The following PDGFC variants were observed in gnomAD, a reference collection of about 807,000 sequenced individuals.
PDGFC encodes platelet-derived growth factor C.
A neutral mutation model predicts 35.5 loss-of-function variants in PDGFC; 12 were observed. The ratio of observed to expected loss-of-function variants is 0.34; its 90% CI spans 0.22 to 0.55. The LOEUF (loss-of-function observed/expected upper bound fraction) is 0.55, where lower values mean the gene tolerates loss of function less well. PDGFC is among the 20% of genes least tolerant of loss of function. The probability of loss-of-function intolerance (pLI) is 0.91; values close to 1 mark genes in which losing one functional copy is unlikely to be tolerated. For missense variants in PDGFC, 322 were observed against 412.4 expected, an observed-to-expected ratio of 0.78 and a Z score of 1.90; for synonymous variants, 159 against 148.8, an observed-to-expected ratio of 1.07 and a Z score of -0.50.
At chr4:156,870,257 T>G (rs1345814147) in intron 1 of PDGFC, among the ~76,000 whole-genome samples, 1 of 152,150 alleles carries the variant, frequency 6.6e-6, no homozygotes, top group African/African-American at 2.4e-5. Flanking sequence ...TTTAACAAGT[T>G]TTTTCTCTTA....
intron 1 of PDGFC, among the ~76,000 whole-genome samples, chr4:156,954,476 G>A (rs1208333998): frequency 1.3e-5 from 2 of 151,894 alleles, no homozygotes; most frequent in Non-Finnish European, 2.9e-5. Context: ...TAACTAGAAA[G>A]AGCAAAAGGG....
chr4:156,873,378 T>C (rs1340444324), intron 1 of PDGFC, among the ~76,000 whole-genome samples: 2 of 152,094 alleles, frequency 1.3e-5, no homozygotes, highest in Non-Finnish European at 2.9e-5. Context: ...AGGTATTTGG[T>C]TCCAGAATGA....
At chr4:156,808,910 C>T (rs965012241) in intron 3 of PDGFC, among the ~76,000 whole-genome samples, 13 of 152,038 alleles carry the variant, frequency 8.6e-5, no homozygotes, top group Non-Finnish European at 1.8e-4. Flanking sequence ...AAAAACAAAG[C>T]TTGTGAGATT....
intron 1 of PDGFC, among the ~76,000 whole-genome samples, chr4:156,919,251 T>TG (rs1158658359): frequency 2.0e-5 from 3 of 152,188 alleles, no homozygotes; most frequent in African/African-American, 2.4e-5. Flanking sequence ...AAAGAAAAAC[T>TG]GACAACGGAA....
intron 1 of PDGFC, among the ~76,000 whole-genome samples, chr4:156,948,492 T>TA (rs999871485): frequency 2.6e-5 from 4 of 151,906 alleles, no homozygotes; most frequent in African/African-American, 9.7e-5. Context: ...CCTAGGCTTC[T>TA]AAAAAAAGTC....
At chr4:156,951,265 T>C (rs1410915601) in intron 1 of PDGFC, among the ~76,000 whole-genome samples, 1 of 151,882 alleles carries the variant, frequency 6.6e-6, no homozygotes, top group Non-Finnish European at 1.5e-5. Flanking sequence ...GTGTTTAAAT[T>C]TATTCAATCA....
intron 1 of PDGFC, among the ~76,000 whole-genome samples, chr4:156,924,686 C>T (rs1731365329): frequency 6.6e-6 from 1 of 152,184 alleles, no homozygotes; most frequent in Admixed American, 6.5e-5. Context: ...TTATCATGAA[C>T]AACCACCATT....
At chr4:156,962,401 A>G (rs1189961888) in intron 1 of PDGFC, among the ~76,000 whole-genome samples, 3 of 151,960 alleles carry the variant, frequency 2.0e-5, no homozygotes, top group African/African-American at 7.3e-5. Flanking sequence ...GACAAAACCA[A>G]CCACTTAGTA....
At chr4:156,854,570 ACTGTCAAAGTTTTATGTAAAT>A (rs1313033212) in intron 1 of PDGFC, among the ~76,000 whole-genome samples, 1 of 152,020 alleles carries the variant, frequency 6.6e-6, no homozygotes, top group East Asian at 1.9e-4. Flanking sequence ...TTTGCAGATG[ACTGTCAAAGTTTTATGTAAAT>A]CTCAAGCAAC....
chr4:156,802,536 G>A (rs1054149012), intron 3 of PDGFC, among the ~76,000 whole-genome samples: 1 of 146,902 alleles, frequency 6.8e-6, no homozygotes, highest in Non-Finnish European at 1.5e-5. Flanking sequence ...AGAAGGTAGA[G>A]TAGAAACATA....
intron 1 of PDGFC, among the ~76,000 whole-genome samples, chr4:156,863,964 C>CT (rs775634471): frequency 5.3e-5 from 8 of 151,936 alleles, no homozygotes; most frequent in Admixed American, 1.3e-4. Context: ...AATAAAATCA[C>CT]TTTTTTTGCC....
chr4:156,775,892 C>T (rs1216443791), intron 3 of PDGFC, among the ~76,000 whole-genome samples: 1 of 152,076 alleles, frequency 6.6e-6, no homozygotes, highest in Non-Finnish European at 1.5e-5. Context: ...ACACAGTGGT[C>T]CCCACCCAGA....
intron 1 of PDGFC, among the ~76,000 whole-genome samples, chr4:156,908,097 C>A (rs547720644): frequency 2.0e-5 from 3 of 152,036 alleles, no homozygotes; most frequent in African/African-American, 7.2e-5. Flanking sequence ...ACCCAGGAAG[C>A]GGAGGTTGCA....
intron 1 of PDGFC, among the ~76,000 whole-genome samples, chr4:156,926,181 A>G (rs1018996331): frequency 6.6e-6 from 1 of 152,216 alleles, no homozygotes; most frequent in South Asian, 2.1e-4. Context: ...TGTTCATTCA[A>G]TGAATGCTTA....
chr4:156,922,205 T>C (rs907718693), intron 1 of PDGFC, among the ~76,000 whole-genome samples: 1 of 151,960 alleles, frequency 6.6e-6, no homozygotes, highest in African/African-American at 2.4e-5. Context: ...TCTGTGTGTG[T>C]GTGTATATCT....
At chr4:156,823,893 T>A (rs1351600535) in intron 2 of PDGFC, among the ~76,000 whole-genome samples, 2 of 152,138 alleles carry the variant, frequency 1.3e-5, no homozygotes, top group African/African-American at 4.8e-5. Context: ...TGGAATACTA[T>A]ACAGCCTTCA....
chr4:156,856,650 C>T (rs902937555), intron 1 of PDGFC, among the ~76,000 whole-genome samples: 1 of 152,076 alleles, frequency 6.6e-6, no homozygotes, highest in African/African-American at 2.4e-5. Context: ...ATGGCAGCAC[C>T]TAATACCTAT....
intron 2 of PDGFC, among the ~76,000 whole-genome samples, chr4:156,826,010 A>T (rs897811799): frequency 2.7e-5 from 4 of 150,404 alleles, no homozygotes; most frequent in African/African-American, 7.3e-5. Flanking sequence ...CTGGGACTAC[A>T]GGTACACACT....
At chr4:156,830,175 T>C (rs1476896698) in intron 2 of PDGFC, among the ~76,000 whole-genome samples, 2 of 151,856 alleles carry the variant, frequency 1.3e-5, no homozygotes, top group Non-Finnish European at 2.9e-5. Context: ...ATATGAAAAG[T>C]ACATATTTAA....
Sources: allele counts gnomAD v4.1 joint callset (sites outside exome capture counted in the v4.1 genomes callset), GRCh38; gene constraint gnomAD v4.1.1; transcripts MANE v1.5; gene names NCBI Gene and HGNC (gene_info 2026-07-23, HGNC 2026-07-21).